The following GRAMD4 variants were observed in gnomAD, a reference collection of about 807,000 sequenced individuals.
The protein encoded by GRAMD4 is GRAM domain-containing protein 4.
Under a neutral mutation model 83.9 loss-of-function variants are expected in GRAMD4, and 25 were observed. That is an observed-to-expected ratio of 0.30 (90% CI 0.22 to 0.42). GRAMD4 has a LOEUF of 0.42. GRAMD4 is among the 10% of genes least tolerant of loss of function. GRAMD4 has a pLI of 1.00. For synonymous variants in GRAMD4, 336 were observed against 320.9 expected, an observed-to-expected ratio of 1.05 and a Z score of -0.50; for missense variants, 593 against 788.7, an observed-to-expected ratio of 0.75 and a Z score of 2.97.
intron 1 of GRAMD4, among the ~76,000 whole-genome samples, chr22:46,603,453 CCCGCCT>C (rs1382803698): frequency 6.6e-6 from 1 of 150,906 alleles, no homozygotes; most frequent in African/African-American, 2.4e-5. Flanking sequence ...TCGTGATCCG[CCCGCCT>C]CCGCCTCCCA....
chr22:46,607,543 G>T (rs1285723356), intron 1 of GRAMD4, among the ~76,000 whole-genome samples: 1 of 152,054 alleles, frequency 6.6e-6, no homozygotes, highest in African/African-American at 2.4e-5. Context: ...TTAACGTGGG[G>T]GTGCCAGGGG....
intron 13 of GRAMD4, among the ~76,000 whole-genome samples, chr22:46,670,128 G>C (rs1369413555): frequency 3.9e-5 from 6 of 152,340 alleles, no homozygotes; most frequent in African/African-American, 1.4e-4. Context: ...CGGCCCCTCA[G>C]CAGTCTAGGC....
rs1187434693 is a variant in GRAMD4 at position 46,621,264 on chromosome 22, T to A, written c.-50+699T>A. Among the ~76,000 whole-genome samples the A allele has an allele frequency of 6.6e-6, 1 of 152,046 alleles. No homozygotes were observed. The highest frequency in any genetic ancestry group is 1.5e-5 in the Non-Finnish European group (1 of 67,974). ...GTGTAGACGGGCCTTGGTTCCTGCA[T>A]CTGTAAGTTGGGCGTGTGCTGGGTA... On this transcript the variant is annotated intron_variant, in intron 1 of 18. Coordinates refer to ENST00000406902, the MANE Select transcript of GRAMD4 (RefSeq NM_015124.5). The surrounding 1 kb of genome is among the most constrained non-coding windows in gnomAD (Gnocchi z 5.8).
intron 1 of GRAMD4, among the ~76,000 whole-genome samples, chr22:46,585,148 C>G (rs755013381): frequency 6.6e-6 from 1 of 151,554 alleles, no homozygotes; most frequent in Non-Finnish European, 1.5e-5. Context: ...GTTTTCCAGG[C>G]AGCATTTTGG....
chr22:46,591,334 A>G (rs527276183), intron 1 of GRAMD4, among the ~76,000 whole-genome samples: 4 of 152,244 alleles, frequency 2.6e-5, no homozygotes, highest in African/African-American at 7.2e-5. Context: ...CCTGGGCAAC[A>G]TAGTGAGACT....
downstream of GRAMD4, among the ~76,000 whole-genome samples, chr22:46,680,582 CCAT>C (rs2082657501): frequency 6.8e-6 from 1 of 147,570 alleles, no homozygotes; most frequent in Non-Finnish European, 1.5e-5. Context: ...ATCCATCCAT[CCAT>C]CCATCCATCC....
chr22:46,635,106 C>T (rs1043408718), intron 2 of GRAMD4, among the ~76,000 whole-genome samples: 2 of 119,120 alleles, frequency 1.7e-5, no homozygotes, highest in Non-Finnish European at 4.1e-5. Context: ...TCCCTGCCCC[C>T]GCCCCCAGCC....
chr22:46,680,592 A>G (rs1359276058), downstream of GRAMD4, among the ~76,000 whole-genome samples: 2 of 121,690 alleles, frequency 1.6e-5, no homozygotes, highest in Non-Finnish European at 3.5e-5. Flanking sequence ...CCATCCATCC[A>G]TCCACCCACC....
In GRAMD4 at chr22:46,658,204, C is replaced by G; in HGVS notation, c.301C>G (p.Leu101Val). Reference protein sequence around the residue: ...KHFLQEELRKLREETNAEMLR... With the variant: ...KHFLQEELRKVREETNAEMLR... ...CCCCATAGAGGAGGAGCTCCGGAAGCTGCGAGAAGAAACCAACGCGGAGAT... is the reference window on the plus strand; with the variant it reads ...CCCCATAGAGGAGGAGCTCCGGAAGGTGCGAGAAGAAACCAACGCGGAGAT... Residue 101 changes from leucine to valine, a missense_variant, in exon 4 of 19, where the codon CTG becomes GTG. Around this residue, in one of 4 missense-constraint regions of GRAMD4, gnomAD observed 312 missense variants for 350.7 expected, o/e 0.89. Transcript: ENST00000406902. 6.2e-7 allele frequency: 1 copy of G among 1,613,778 alleles called. No homozygotes were observed. The highest frequency in any genetic ancestry group is 8.5e-7 in the Non-Finnish European group (1 of 1,179,940).
intron 9 of GRAMD4, among the ~76,000 whole-genome samples, chr22:46,666,152 C>T (rs2082405913): frequency 6.6e-6 from 1 of 152,210 alleles, no homozygotes; most frequent in Non-Finnish European, 1.5e-5. Flanking sequence ...ACGCGTTAAC[C>T]CCAACCCTGG....
chr22:46,586,246 G>A (rs76463440), intron 1 of GRAMD4, among the ~76,000 whole-genome samples: 13,173 of 152,218 alleles, frequency 0.087, 694 homozygotes, highest in East Asian at 0.26. Context: ...CCTGCTGACC[G>A]TGTCTCCTTC....
chr22:46,648,178 A>G (rs1197095707), intron 3 of GRAMD4, among the ~76,000 whole-genome samples: 1 of 151,882 alleles, frequency 6.6e-6, no homozygotes, highest in Non-Finnish European at 1.5e-5. Context: ...GGATAAATGG[A>G]TGGATGAGTG....
chr22:46,633,476 C>T (rs919250313), intron 2 of GRAMD4, among the ~76,000 whole-genome samples: 1 of 152,346 alleles, frequency 6.6e-6, no homozygotes, highest in East Asian at 1.9e-4. Context: ...TCATGTCTGT[C>T]CCAGGGAAGG....
At position 46,589,844 on chromosome 22, in the gene GRAMD4, C is replaced by G. The variant is rs80093503; in HGVS notation, c.-50+12554C>G. Among the ~76,000 whole-genome samples the G allele has an allele frequency of 3.5e-3, 528 of 152,276 alleles. 3 individuals are homozygous for G. Among genetic ancestry groups the G allele is most frequent in the African/African-American group, 0.012 (498 of 41,552 alleles). ...CCAGGACCTCAGCCCCTGCCCTGCT[C>G]CCCAGCAGCCTGACTGCCTCCCCTC... On this transcript the variant is annotated intron_variant, in intron 1 of 1. Transcript: ENST00000431155.
chr22:46,622,565 G>A lies in GRAMD4; in HGVS notation c.-50+2000G>A, dbSNP rs2081590743. 6.6e-6 allele frequency among the ~76,000 whole-genome samples: 1 copy of A among 152,190 alleles called. No individual in the cohort carries two copies. Among genetic ancestry groups the A allele is most frequent in the Non-Finnish European group, 1.5e-5 (1 of 68,042 alleles). On this transcript the variant is annotated intron_variant, in intron 1 of 18. Transcript: ENST00000406902. This position sits in a 1 kb window ranked among gnomAD's most constrained non-coding sequence, Gnocchi z 4.0. ...TTCAGTTAGACAAGACGAGTCCGGAGGCAGCCGCTCAGCATCACAGATGTA... is the reference window on the plus strand; with the variant it reads ...TTCAGTTAGACAAGACGAGTCCGGAAGCAGCCGCTCAGCATCACAGATGTA...
intron 1 of GRAMD4, among the ~76,000 whole-genome samples, chr22:46,585,844 C>T (rs540297994): frequency 5.3e-5 from 8 of 152,276 alleles, no homozygotes; most frequent in South Asian, 2.1e-4. Context: ...GGCTTGAGAC[C>T]GGCCTCTCAG....
chr22:46,662,647 G>A (rs1283383014), intron 5 of GRAMD4, among the ~76,000 whole-genome samples: 2 of 152,158 alleles, frequency 1.3e-5, no homozygotes, highest in Non-Finnish European at 2.9e-5. Context: ...TCTGCTTTCT[G>A]ACAACCCGGA....
rs1180946596 is a variant in GRAMD4, at chr22:46,663,717, G to A, written c.600-121G>A. The stretch of plus-strand genomic sequence containing the variant: ...GCATGGCCATTCTGTGCACTCAAGG[G>A]GTCCCAGGCTGTTGAGACGTCCTCC... On this transcript the variant is annotated intron_variant, in intron 6 of 18. Coordinates refer to ENST00000406902, the MANE Select transcript of GRAMD4 (RefSeq NM_015124.5). 3 of 929,578 alleles carry A rather than the reference G, an allele frequency of 3.2e-6. No individual in the cohort carries two copies. In the African/African-American group the frequency reaches 4.9e-5, roughly 15 times the overall value. 57.6% of individuals were successfully genotyped at this position (929,578 alleles called of 1,614,324 possible).
At chr22:46,664,486 T>C (rs1447414305) in intron 8 of GRAMD4, among the ~76,000 whole-genome samples, 1 of 44,910 alleles carries the variant, frequency 2.2e-5, no homozygotes, top group Non-Finnish European at 4.6e-5. Flanking sequence ...CAGGAGTACC[T>C]CCAAGGGCAT....
Sources: allele counts gnomAD v4.1 joint callset (sites outside exome capture counted in the v4.1 genomes callset), GRCh38; gene constraint gnomAD v4.1.1; regional missense constraint gnomAD v4.1.1; non-coding constraint Gnocchi (gnomAD v3.1); transcripts MANE v1.5; gene names NCBI Gene and HGNC (gene_info 2026-07-23, HGNC 2026-07-21).